Variants in GRID2 observed in about 807,000 individuals in gnomAD.
GRID2 encodes glutamate receptor ionotropic, delta-2.
Under a neutral mutation model 114.8 loss-of-function variants are expected in GRID2, and 33 were observed. That is an observed-to-expected ratio of 0.29 (90% CI 0.22 to 0.38). The LOEUF (loss-of-function observed/expected upper bound fraction) is 0.38. Among genes scored for constraint, GRID2 ranks in the 10% least tolerant of loss-of-function variants. The pLI, the probability that GRID2 is intolerant of heterozygous loss-of-function variation, is 1.00. For synonymous variants in GRID2, 505 were observed against 449.9 expected, an observed-to-expected ratio of 1.12 and a Z score of -1.55; for missense variants, 1,184 against 1,257.7, an observed-to-expected ratio of 0.94 and a Z score of 0.89.
At chr4:92,346,601 G>A (rs937229079) in intron 1 of GRID2, among the ~76,000 whole-genome samples, 1 of 152,074 alleles carries the variant, frequency 6.6e-6, no homozygotes. Flanking sequence ...TTGAACTCAA[G>A]TAATCCACCT....
chr4:93,005,318 A>G (rs1578730247), intron 2 of GRID2, among the ~76,000 whole-genome samples: 1 of 152,072 alleles, frequency 6.6e-6, no homozygotes, highest in South Asian at 2.1e-4. Flanking sequence ...AACTCACTCA[A>G]TAAGTGCTGC....
At chr4:93,718,343 G>A (rs1399379839) in intron 14 of GRID2, among the ~76,000 whole-genome samples, 1 of 152,136 alleles carries the variant, frequency 6.6e-6, no homozygotes, top group African/African-American at 2.4e-5. Context: ...CATTGCTTGA[G>A]CAACTGCTCA....
intron 3 of GRID2, among the ~76,000 whole-genome samples, chr4:93,092,781 C>T (rs1730894619): frequency 6.6e-6 from 1 of 151,876 alleles, no homozygotes; most frequent in Non-Finnish European, 1.5e-5. Flanking sequence ...AAGTGGCATA[C>T]CAAACCACTA....
chr4:93,332,630 A>G (rs1758619003), intron 8 of GRID2, among the ~76,000 whole-genome samples: 1 of 152,150 alleles, frequency 6.6e-6, no homozygotes, highest in Non-Finnish European at 1.5e-5. Flanking sequence ...TTAGCAAAAG[A>G]CATTCCAATA....
At chr4:92,910,629 A>G (rs1748301396) in intron 2 of GRID2, among the ~76,000 whole-genome samples, 1 of 151,966 alleles carries the variant, frequency 6.6e-6, no homozygotes, top group Admixed American at 6.6e-5. Flanking sequence ...AGTACAATCT[A>G]TTTTTTCAGA....
chr4:93,508,442 G>A (rs1343675883), intron 12 of GRID2, among the ~76,000 whole-genome samples: 5 of 151,950 alleles, frequency 3.3e-5, no homozygotes, highest in Admixed American at 1.3e-4. Flanking sequence ...TGATCTGCCC[G>A]CCTTGGCCTC....
intron 2 of GRID2, among the ~76,000 whole-genome samples, chr4:92,649,462 C>CAAT (rs1372276815): frequency 3.3e-5 from 5 of 151,332 alleles, no homozygotes; most frequent in Non-Finnish European, 5.9e-5. Context: ...TGGATGATGC[C>CAAT]CACCCACATT....
chr4:92,385,434 A>T (rs180737154), intron 1 of GRID2, among the ~76,000 whole-genome samples: 2 of 151,934 alleles, frequency 1.3e-5, no homozygotes, highest in Admixed American at 1.3e-4. Context: ...TATTAAAAAA[A>T]TTATTAAAAA....
chr4:93,047,457 A>C (rs1044591243), intron 2 of GRID2, among the ~76,000 whole-genome samples: 5 of 152,108 alleles, frequency 3.3e-5, no homozygotes, highest in Admixed American at 2.6e-4. Context: ...TGATTTTTCT[A>C]TAAATCTAAA....
intron 8 of GRID2, among the ~76,000 whole-genome samples, chr4:93,253,679 T>C (rs1233505790): frequency 6.6e-6 from 1 of 152,100 alleles, no homozygotes; most frequent in Non-Finnish European, 1.5e-5. Context: ...TGTCTGTAGT[T>C]TCCGTAAGAG....
At chr4:92,496,301 C>G (rs1560670605) in intron 1 of GRID2, among the ~76,000 whole-genome samples, 1 of 151,826 alleles carries the variant, frequency 6.6e-6, no homozygotes. Context: ...TTCTAACCCT[C>G]CTTCTAGTTA....
Position 93,114,834 on chromosome 4 carries a change from G to A in GRID2, c.735+3881G>A, listed in dbSNP as rs558004554. ...AGACACAAAGAGAAATTATTTCTGT[G>A]TGACCTAGAGTTTCACTCAGTCTAG... On this transcript the variant is annotated intron_variant, in intron 4 of 15. Transcript: ENST00000282020. Among the ~76,000 whole-genome samples the A allele has an allele frequency of 3.9e-5, 6 of 152,242 alleles. No homozygotes were observed. The East Asian group carries it at 9.6e-4, about 24-fold the overall frequency.
chr4:92,438,557 A>T (rs1053937127), intron 1 of GRID2, among the ~76,000 whole-genome samples: 1 of 151,050 alleles, frequency 6.6e-6, no homozygotes, highest in Non-Finnish European at 1.5e-5. Context: ...ATAAAATAAT[A>T]TTCATTTGGC....
chr4:92,386,914 A>G (rs1173989298), intron 1 of GRID2, among the ~76,000 whole-genome samples: 1 of 151,920 alleles, frequency 6.6e-6, no homozygotes, highest in Non-Finnish European at 1.5e-5. Flanking sequence ...TTCACATTCT[A>G]TATATCAGTC....
rs1257978335 is a variant in GRID2 at position 92,384,955 on chromosome 4, TA to T, written c.88+80212del. 1.5e-4 allele frequency among the ~76,000 whole-genome samples: 23 copies of T among 151,196 alleles called. No homozygotes were observed. In the East Asian group the frequency reaches 3.5e-3, roughly 23 times the overall value. The stretch of plus-strand genomic sequence containing the variant: ...CAGAAAGGATAGATTGCATCACCAA[TA>T]TACACAATGGGCTTGTCACATTTAC... On this transcript the variant is annotated intron_variant, in intron 1 of 15. Transcript: ENST00000282020.
rs993807042 is a variant in GRID2 at position 93,772,346 on chromosome 4, C to T, written c.2872C>T (p.Pro958Ser). 6.2e-7 allele frequency: 1 copy of T among 1,614,088 alleles called. No individual in the cohort carries two copies. The highest frequency in any genetic ancestry group is 2.2e-5 in the East Asian group (1 of 44,876). Residue 958 changes from proline to serine, a missense_variant, in exon 16 of 16, where the codon CCT becomes TCT. Pro to Ser is a moderately conservative substitution (Grantham distance 74). Transcript: ENST00000282020. ...TTCTGGTTTCACTTTTGGCAACGTG[C>T]CTGAGCACCGAACTGGCCCTTTTAG... Reference protein sequence around the residue: ...AASGFTFGNVPEHRTGPFRHR... With the variant: ...AASGFTFGNVSEHRTGPFRHR...
chr4:93,526,186 G>C (rs1730877767), intron 13 of GRID2, among the ~76,000 whole-genome samples: 2 of 152,136 alleles, frequency 1.3e-5, no homozygotes, highest in Non-Finnish European at 2.9e-5. Flanking sequence ...TCTCACAATA[G>C]TGAGTGAGTT....
chr4:93,722,289 C>A (rs1294193030), intron 14 of GRID2, among the ~76,000 whole-genome samples: 1 of 151,952 alleles, frequency 6.6e-6, no homozygotes, highest in Non-Finnish European at 1.5e-5. Flanking sequence ...ACATTTAACC[C>A]CACCCCAAGG....
intron 8 of GRID2, among the ~76,000 whole-genome samples, chr4:93,392,191 T>C (rs1458328217): frequency 6.6e-6 from 1 of 152,112 alleles, no homozygotes; most frequent in Non-Finnish European, 1.5e-5. Flanking sequence ...GAATAGACAG[T>C]ATGAGATTTT....
Sources: gnomAD v4.1 joint callset for allele counts (sites outside exome capture counted in the v4.1 genomes callset) on GRCh38, gnomAD v4.1.1 for gene constraint, MANE v1.5 for transcripts, NCBI Gene and HGNC (gene_info 2026-07-23, HGNC 2026-07-21) for gene names.